The following MYO15B variants were observed in gnomAD, a reference collection of about 807,000 sequenced individuals.
MYO15B encodes myosin XVB pseudogene.
A neutral mutation model predicts 119.3 loss-of-function variants in MYO15B; 207 were observed. The ratio of observed to expected loss-of-function variants is 1.73; its 90% CI spans 1.55 to 1.95. The LOEUF is 1.95. MYO15B is among the 30% of genes most tolerant of loss of function. The pLI is 0.00. For synonymous variants in MYO15B, 966 were observed against 498.9 expected (o/e 1.94, Z -12.48); for missense variants, 2,264 against 1,203.1 (o/e 1.88, Z -13.04).
At chr17:75,601,985 C>T (rs938652485) in intron 15 of MYO15B, among the ~76,000 whole-genome samples, 1 of 152,148 alleles carries the variant, frequency 6.6e-6, no homozygotes, top group African/African-American at 2.4e-5. Context: ...ACTTCCCTTC[C>T]CCCTTCCGAG....
At chr17:75,618,640 CTG>C (rs1184071584) in intron 43 of MYO15B, among the ~76,000 whole-genome samples, 1 of 152,202 alleles carries the variant, frequency 6.6e-6, no homozygotes, top group Non-Finnish European at 1.5e-5. Context: ...CAGAGCGAGA[CTG>C]TGTCTCAACA....
chr17:75,611,868 C>T lies in MYO15B; in HGVS notation c.4505-18C>T, dbSNP rs1458604513. 1 of 702,818 alleles carries T rather than the reference C, an allele frequency of 1.4e-6. No homozygotes were observed. The highest frequency in any genetic ancestry group is 1.5e-5 in the South Asian group (1 of 67,584). The allele number at this position is 702,818 out of a possible 1,614,324, so 43.5% of individuals were successfully genotyped here. ...ACACCTGGATGCTCCTGGGCTGCCT[C>T]CCGGTGCTTGTTCCCAGGCCATCGG... is the stretch of plus-strand genomic sequence containing the variant. On this transcript the variant is annotated intron_variant, in intron 24 of 63. Coordinates refer to ENST00000645453, the Ensembl canonical transcript of MYO15B.
chr17:75,624,353 G>A lies in MYO15B; in HGVS notation c.8368-17G>A, dbSNP rs752329562. 8.5e-6 allele frequency: 6 copies of A among 702,602 alleles called. No homozygotes were observed. The highest frequency in any genetic ancestry group is 2.3e-4 in the Middle Eastern group (1 of 4,392). 43.5% of individuals were successfully genotyped at this position (702,602 alleles called of 1,614,324 possible). Reference sequence around the variant, plus strand: ...AGGAGACCACTGGCCGACTGACCCTGCAACCTGCCTTGGCAGAAAGGACAA... The same window carrying A: ...AGGAGACCACTGGCCGACTGACCCTACAACCTGCCTTGGCAGAAAGGACAA... On this transcript the variant is annotated splice_polypyrimidine_tract_variant and intron_variant, in intron 56 of 63. Coordinates refer to ENST00000645453, the Ensembl canonical transcript of MYO15B.
intron 6 of MYO15B, 58 bp from the exon 7 acceptor site, chr17:75,592,180 A>G: frequency 1.4e-6 from 1 of 701,482 alleles, no homozygotes; most frequent in Non-Finnish European, 2.6e-6. Flanking sequence ...CTTCTTCTGC[A>G]CGGGGCCCCT....
rs971372345 is a variant in MYO15B, at chr17:75,624,414, T to G, written c.8412T>G (p.Gly2804=). 1.7e-5 allele frequency: 12 copies of G among 701,856 alleles called. No homozygotes were observed. The Middle Eastern group carries it at 1.1e-3, about 67-fold the overall frequency. The allele number at this position is 701,856 out of a possible 1,614,324, so 43.5% of individuals were successfully genotyped here. Reference sequence around the variant, plus strand: ...TGCTTCTTATTCACCTGCCGGGGGGTGTGGATTATAGGACGAATATCCAGA... The same window carrying G: ...TGCTTCTTATTCACCTGCCGGGGGGGGTGGATTATAGGACGAATATCCAGA... The change falls in exon 57 of 64, where the codon GGT becomes GGG. Residue 2804 remains glycine (G), a synonymous_variant. Transcript: ENST00000645453.
At chr17:75,615,800 A>C (rs2058336560) in exon 36 of MYO15B, 1 of 702,468 alleles carries the variant, frequency 1.4e-6, no homozygotes, top group African/African-American at 1.7e-5. Flanking sequence ...CCTCACCCTC[A>C]GCCGTCACCT....
At chr17:75,596,584 GGGCCGCTCAGGCATTGCCCAGGCAGA>G (rs2056874085) in intron 13 of MYO15B, 29 bp downstream of exon 13, 3 of 702,414 alleles carry the variant, frequency 4.3e-6, no homozygotes, top group African/African-American at 3.5e-5. Flanking sequence ...GACGTGGCAG[GGGCCGCTCAGGCATTGCCCAGGCAGA>G]GGCCATCCTT....
At position 75,626,717 on chromosome 17, in the gene MYO15B, G is replaced by A. The variant is rs531074341; in HGVS notation, c.*233G>A. ...GGGCCAAAGCGGGCTGCAGGAACTC[G>A]GCTGGGGCACCTGAGGTTGCCCAGT... On this transcript the variant is annotated 3_prime_UTR_variant, in exon 64 of 64. Transcript: ENST00000645453. The A allele has an allele frequency of 1.0e-3, 584 of 574,932 alleles. 7 individuals carry two copies. Among genetic ancestry groups the A allele is most frequent in the Non-Finnish European group, 2.2e-4 (72 of 321,806 alleles). 35.6% of individuals were successfully genotyped at this position (574,932 alleles called of 1,614,324 possible).
At chr17:75,601,722 C>T (rs1423110979) in intron 15 of MYO15B, among the ~76,000 whole-genome samples, 159 bp downstream of exon 15, 2 of 152,244 alleles carry the variant, frequency 1.3e-5, no homozygotes, top group African/African-American at 4.8e-5. Flanking sequence ...CAGTTCTGAG[C>T]ACGGTTTACT....
rs1480252987 is a variant in MYO15B, at chr17:75,624,765, A to G, written c.8543-6A>G. The G allele has an allele frequency of 2.8e-6, 2 of 702,750 alleles. No homozygotes were observed. Among genetic ancestry groups the G allele is most frequent in the Non-Finnish European group, 5.2e-6 (2 of 384,948 alleles). 43.5% of individuals were successfully genotyped at this position (702,750 alleles called of 1,614,324 possible). A position where few individuals can be genotyped will look rare whatever the true frequency, so the allele number is the denominator to read the frequency against. On this transcript the variant is annotated splice_region_variant and splice_polypyrimidine_tract_variant and intron_variant, in intron 58 of 63. Transcript: ENST00000645453. ...GAGCAGCAGTGGACCTAGGCTCCCC[A>G]TGCAGGCCAGCTGGTGCGGCCCCTG...
At position 75,594,100 on chromosome 17, in the gene MYO15B, AAAAAG is replaced by A. The variant is rs1467505562; in HGVS notation, c.2992-370_2992-366del. The stretch of plus-strand genomic sequence containing the variant: ...GTGAGACCCTGTCTCAAAAAAAAAA[AAAAAG>A]AAAAAAAAAAATCAAACGAGCAGCT... On this transcript the variant is annotated intron_variant, in intron 9 of 63. Transcript: ENST00000645453. Among the ~76,000 whole-genome samples the A allele has an allele frequency of 5.6e-3, 460 of 81,842 alleles. 2 individuals carry two copies. Among genetic ancestry groups the A allele is most frequent in the African/African-American group, 0.015 (399 of 26,032 alleles). 53.7% of individuals were successfully genotyped at this position (81,842 alleles called of 152,430 possible).
rs2056286550 is a variant in MYO15B, at chr17:75,589,398, G to A, written c.1341G>A (p.Ala447=). 5.2e-6 allele frequency: 2 copies of A among 382,002 alleles called. No homozygotes were observed. The highest frequency in any genetic ancestry group is 2.1e-5 in the African/African-American group (1 of 47,886). The allele number at this position is 382,002 out of a possible 1,614,324, so 23.7% of individuals were successfully genotyped here. A position where few individuals can be genotyped will look rare whatever the true frequency, so the allele number is the denominator to read the frequency against. Residue 447 remains alanine, a synonymous_variant, in exon 1 of 64, where the codon GCG becomes GCA. Coordinates refer to ENST00000645453, the Ensembl canonical transcript of MYO15B. This position sits in a 1 kb window ranked among gnomAD's most constrained non-coding sequence, Gnocchi z 4.2. ...ACGAGGGTCGGGGCCGCGGGAAAGC[G>A]GACGAAGGGCGGGGCCACGAGCGAG...
At chr17:75,607,416 T>A (rs1487170617) in intron 21 of MYO15B, among the ~76,000 whole-genome samples, 2 of 138,412 alleles carry the variant, frequency 1.4e-5, no homozygotes, top group African/African-American at 5.8e-5. Context: ...GTTCCAGGCT[T>A]GAGGGTTAAT....
intron 14 of MYO15B, among the ~76,000 whole-genome samples, chr17:75,598,471 G>A (rs2057019238): frequency 6.7e-6 from 1 of 148,940 alleles, no homozygotes; most frequent in Admixed American, 6.7e-5. Context: ...CCAGCTACTG[G>A]GGAGGCTGAG....
chr17:75,619,762 C>T (rs757938401), exon 46 of MYO15B: 5 of 702,922 alleles, frequency 7.1e-6, no homozygotes, highest in Admixed American at 2.0e-5. Context: ...AGGCCCCGGC[C>T]TCCGCCCCGA....
intron 21 of MYO15B, 126 bp downstream of exon 21, chr17:75,606,147 T>C (rs1291402868): frequency 3.4e-6 from 2 of 582,060 alleles, no homozygotes; most frequent in South Asian, 2.1e-5. Flanking sequence ...CAGTGCCATC[T>C]CATCGGCATG....
chr17:75,595,273 C>T (rs2056782283), intron 12 of MYO15B, among the ~76,000 whole-genome samples: 6 of 152,182 alleles, frequency 3.9e-5, no homozygotes, highest in Admixed American at 3.9e-4. Context: ...CCCCTCACCC[C>T]ACACCCACGT....
chr17:75,591,693 C>T (rs890090776), exon 5 of MYO15B: 41 of 702,956 alleles, frequency 5.8e-5, no homozygotes, highest in East Asian at 4.8e-4. Flanking sequence ...CAGGATCAGA[C>T]GGGGAACCGA....
At chr17:75,622,761 G>C (rs1248529141) in intron 53 of MYO15B, among the ~76,000 whole-genome samples, 1 of 152,174 alleles carries the variant, frequency 6.6e-6, no homozygotes, top group East Asian at 1.9e-4. Context: ...CTGACCAATT[G>C]CATGTGGGCT....
Sources: gnomAD v4.1 joint callset for allele counts (sites outside exome capture counted in the v4.1 genomes callset) on GRCh38, gnomAD v4.1.1 for gene constraint, Gnocchi (gnomAD v3.1) non-coding constraint, MANE v1.5 for transcripts, NCBI Gene and HGNC (gene_info 2026-07-23, HGNC 2026-07-21) for gene names.